PTPRN2: variants seen among roughly 807,000 people sequenced by gnomAD.
PTPRN2 encodes the protein protein tyrosine phosphatase receptor type N2.
Under a neutral mutation model 118.8 loss-of-function variants are expected in PTPRN2, and 74 were observed. The ratio of observed to expected loss-of-function variants is 0.62; its 90% CI spans 0.52 to 0.76. The LOEUF (loss-of-function observed/expected upper bound fraction) is 0.76. Ranked by LOEUF, PTPRN2 falls within the 30% of genes least tolerant of loss-of-function variation. The probability of loss-of-function intolerance (pLI) is 0.00; values close to 1 mark genes in which losing one functional copy is unlikely to be tolerated. For synonymous variants in PTPRN2, 641 were observed against 608.0 expected (o/e 1.05, Z -0.80); for missense variants, 1,481 against 1,394.4 (o/e 1.06, Z -0.99).
At chr7:158,020,794 G>A (rs1222007626) in intron 11 of PTPRN2, among the ~76,000 whole-genome samples, 5 of 152,182 alleles carry the variant, frequency 3.3e-5, no homozygotes, top group Non-Finnish European at 7.4e-5. Context: ...CAGGAGTTGT[G>A]TTTTGCTGAA....
intron 6 of PTPRN2, among the ~76,000 whole-genome samples, chr7:158,147,660 G>T (rs376928427): frequency 3.6e-3 from 114 of 31,592 alleles, no homozygotes; most frequent in African/African-American, 0.016. Flanking sequence ...CTCATGCCAC[G>T]TGTCTTTCCC....
At chr7:158,321,851 G>A (rs1803042584) in intron 2 of PTPRN2, among the ~76,000 whole-genome samples, 2 of 152,114 alleles carry the variant, frequency 1.3e-5, no homozygotes, top group Admixed American at 6.5e-5. Flanking sequence ...ACTCATACAC[G>A]CACATAAGCA....
intron 5 of PTPRN2, among the ~76,000 whole-genome samples, chr7:158,173,253 C>G (rs1392811270): frequency 6.6e-6 from 1 of 152,208 alleles, no homozygotes; most frequent in Non-Finnish European, 1.5e-5. Flanking sequence ...AACCAGCCCC[C>G]AATATTTCAA....
intron 1 of PTPRN2, among the ~76,000 whole-genome samples, chr7:158,583,423 T>C (rs1434604357): frequency 6.6e-6 from 1 of 151,982 alleles, no homozygotes; most frequent in Non-Finnish European, 1.5e-5. Context: ...CCCAACACCA[T>C]CTCGGAGTAA....
At chr7:158,369,915 C>T (rs57975975) in intron 2 of PTPRN2, among the ~76,000 whole-genome samples, 18,119 of 152,216 alleles carry the variant, frequency 0.12, 1,111 homozygotes, top group East Asian at 0.17. Context: ...GGGCGGCAGA[C>T]AGACTGAGAA....
chr7:158,489,923 T>C, intron 1 of PTPRN2, 138 bp from the exon 2 acceptor site: 1 of 793,252 alleles, frequency 1.3e-6, no homozygotes, highest in Non-Finnish European at 2.0e-6. Flanking sequence ...TTTTCCGAGA[T>C]GGGGCCGATT....
At chr7:157,656,923 CGCCA>C (rs1806166596) in intron 13 of PTPRN2, among the ~76,000 whole-genome samples, 13 of 132,842 alleles carry the variant, frequency 9.8e-5, no homozygotes, top group South Asian at 2.5e-4. Flanking sequence ...CACACACACA[CGCCA>C]CACACACACA....
chr7:158,345,252 A>G (rs1437183342), intron 2 of PTPRN2, among the ~76,000 whole-genome samples: 1 of 152,194 alleles, frequency 6.6e-6, no homozygotes, highest in African/African-American at 2.4e-5. Flanking sequence ...TAACAAGGAG[A>G]GAAAACCTAA....
chr7:158,195,956 C>A (rs1826178005), intron 4 of PTPRN2, among the ~76,000 whole-genome samples: 2 of 152,156 alleles, frequency 1.3e-5, no homozygotes, highest in Non-Finnish European at 2.9e-5. Context: ...CAGTTCAACC[C>A]TCTCGGTTCT....
At position 157,778,319 on chromosome 7, in the gene PTPRN2, A is replaced by G. The variant is rs28477454; in HGVS notation, c.1789-95382T>C. Among the ~76,000 whole-genome samples the G allele has an allele frequency of 7.0e-3, 1,067 of 152,336 alleles. 10 individuals are homozygous for G. The highest frequency in any genetic ancestry group is 0.024 in the African/African-American group (1,011 of 41,570). ...CACGTAAACATGTACATGTGAATAC[A>G]GGCATCAAATGCCCACGTACATGTG... is the stretch of plus-strand genomic sequence containing the variant. On this transcript the variant is annotated intron_variant, in intron 12 of 22. Coordinates refer to ENST00000389418, the MANE Select transcript of PTPRN2 (RefSeq NM_002847.5).
intron 2 of PTPRN2, among the ~76,000 whole-genome samples, chr7:158,430,197 C>A (rs964853659): frequency 3.9e-5 from 6 of 152,184 alleles, no homozygotes; most frequent in Non-Finnish European, 7.3e-5. Context: ...TGAGCCACCA[C>A]GCCCAGCTGG....
intron 6 of PTPRN2, among the ~76,000 whole-genome samples, chr7:158,150,103 G>A (rs956670877): frequency 2.4e-4 from 36 of 152,306 alleles, no homozygotes; most frequent in South Asian, 4.1e-4. Context: ...GAAGGCTGCC[G>A]TGGGTGTTCT....
intron 11 of PTPRN2, among the ~76,000 whole-genome samples, chr7:158,046,271 A>T (rs982388200): frequency 2.8e-5 from 4 of 142,080 alleles, no homozygotes; most frequent in Non-Finnish European, 6.0e-5. Context: ...TGTTCTGTCC[A>T]GGAGCAGAAA....
At chr7:157,913,211 TCTAA>T (rs566339753) in intron 11 of PTPRN2, among the ~76,000 whole-genome samples, 47 of 152,350 alleles carry the variant, frequency 3.1e-4, no homozygotes, top group African/African-American at 1.1e-3. Context: ...AACAGCATTT[TCTAA>T]CTTTTTTTCC....
rs758235878 is a variant in PTPRN2, at chr7:157,682,807, C to T, written c.1919G>A (p.Arg640His). 60 of 1,613,986 alleles carry T rather than the reference C, an allele frequency of 3.7e-5. No individual in the cohort carries two copies. Among genetic ancestry groups the T allele is most frequent in the African/African-American group, 2.8e-4 (21 of 74,938 alleles). Residue 640 changes from arginine (R) to histidine (H), a missense_variant, in exon 13 of 23, where the codon CGC becomes CAC. Around this residue, in one of 3 missense-constraint regions of PTPRN2, gnomAD observed 1,115 missense variants for 994.2 expected, o/e 1.12. Coordinates refer to ENST00000389418, the MANE Select transcript of PTPRN2 (RefSeq NM_002847.5). ...LLASGLIYCL[R>H]HSSQHRLKEK... ...CTTCAGCCTGTGCTGAGAGCTATGG[C>T]GGAGGCAGTAGATGAGGCCAGAGGC...
intron 1 of PTPRN2, among the ~76,000 whole-genome samples, chr7:158,552,297 GCCT>G (rs1040931042): frequency 1.4e-5 from 2 of 146,334 alleles, no homozygotes; most frequent in African/African-American, 5.1e-5. Flanking sequence ...CCCCGCCACC[GCCT>G]CCTAACCACA....
intron 11 of PTPRN2, among the ~76,000 whole-genome samples, chr7:157,982,152 C>A (rs1340827745): frequency 8.6e-6 from 1 of 115,702 alleles, no homozygotes; most frequent in African/African-American, 3.0e-5. Flanking sequence ...CCATAAACCC[C>A]GAGTCACAGA....
intron 2 of PTPRN2, among the ~76,000 whole-genome samples, chr7:158,342,765 G>A (rs1807147576): frequency 6.6e-6 from 1 of 152,168 alleles, no homozygotes; most frequent in African/African-American, 2.4e-5. Context: ...ATGGGCAGCG[G>A]CAGGAAAGTC....
chr7:158,270,934 C>A (rs112917842), intron 3 of PTPRN2, among the ~76,000 whole-genome samples: 1 of 33,330 alleles, frequency 3.0e-5, no homozygotes, highest in African/African-American at 1.7e-4. Flanking sequence ...CCCCCCCCAC[C>A]TGGACCACCC....
Sources: allele counts gnomAD v4.1 joint callset (sites outside exome capture counted in the v4.1 genomes callset), GRCh38; gene constraint gnomAD v4.1.1; regional missense constraint gnomAD v4.1.1; transcripts MANE v1.5; gene names NCBI Gene and HGNC (gene_info 2026-07-23, HGNC 2026-07-21).